BCAS3: variants seen among roughly 807,000 people sequenced by gnomAD.
The protein encoded by BCAS3 is BCAS4/BCAS3 fusion.
In BCAS3, 53 loss-of-function variants were observed where a neutral mutation model predicts 116.1. That is an observed-to-expected ratio of 0.46 (90% CI 0.37 to 0.57). BCAS3 has a LOEUF of 0.57. Among genes scored for constraint, BCAS3 ranks in the 20% least tolerant of loss-of-function variants. The pLI is 0.00. For synonymous variants in BCAS3, 391 were observed against 408.2 expected, an observed-to-expected ratio of 0.96 and a Z score of 0.51; for missense variants, 917 against 1,165.4, an observed-to-expected ratio of 0.79 and a Z score of 3.10.
chr17:61,061,407 G>A (rs2070020229), intron 19 of BCAS3, among the ~76,000 whole-genome samples: 1 of 151,994 alleles, frequency 6.6e-6, no homozygotes, highest in African/African-American at 2.4e-5. Context: ...CTGCTTTTTT[G>A]TTGTTGTTTG....
In BCAS3 at chr17:61,211,842, A is replaced by G. The variant is rs998880458; in HGVS notation, c.2425+127278A>G. On this transcript the variant is annotated intron_variant, in intron 22 of 23. Transcript: ENST00000407086. The surrounding 1 kb of genome is among the most constrained non-coding windows in gnomAD (Gnocchi z 4.4). ...TATTTCAGGCATAGACTTGGAGAGCAAGCTGCCCACCAGGGCAGGGCCTTA... is the reference window on the plus strand; with the variant it reads ...TATTTCAGGCATAGACTTGGAGAGCGAGCTGCCCACCAGGGCAGGGCCTTA... Among the ~76,000 whole-genome samples the G allele has an allele frequency of 2.0e-5, 3 of 152,226 alleles. No homozygotes were observed. Among genetic ancestry groups the G allele is most frequent in the African/African-American group, 7.2e-5 (3 of 41,464 alleles).
chr17:60,871,463 A>G (rs1378682311), intron 8 of BCAS3, among the ~76,000 whole-genome samples: 1 of 151,866 alleles, frequency 6.6e-6, no homozygotes, highest in Non-Finnish European at 1.5e-5. Flanking sequence ...CAATCTCTCT[A>G]TTTTCTTGAT....
At chr17:60,732,460 C>G (rs1019656874) in intron 5 of BCAS3, among the ~76,000 whole-genome samples, 1 of 152,176 alleles carries the variant, frequency 6.6e-6, no homozygotes, top group African/African-American at 2.4e-5. Flanking sequence ...GTGATAAAAC[C>G]TGCTACATAG....
chr17:60,723,803 C>T (rs1163580939), intron 5 of BCAS3, among the ~76,000 whole-genome samples: 2 of 140,824 alleles, frequency 1.4e-5, no homozygotes, highest in Non-Finnish European at 3.0e-5. Context: ...ATTGCAACCT[C>T]TGCCTCCCAG....
In BCAS3 at chr17:61,337,795, A is replaced by G. The variant is rs986828490; in HGVS notation, c.2426-30532A>G. ...ACCTTTCAGCATTTCACAAGGTGTT[A>G]GAGACAGAGAAAGCCTCCTTGTTAT... On this transcript the variant is annotated intron_variant, in intron 22 of 23. Coordinates refer to ENST00000407086, the MANE Select transcript of BCAS3 (RefSeq NM_017679.5). This position sits in a 1 kb window ranked among gnomAD's most constrained non-coding sequence, Gnocchi z 4.8. Among the ~76,000 whole-genome samples, 1 of 152,138 alleles carries G rather than the reference A, an allele frequency of 6.6e-6. No individual in the cohort carries two copies. Among genetic ancestry groups the G allele is most frequent in the African/African-American group, 2.4e-5 (1 of 41,412 alleles).
chr17:60,811,253 G>T, intron 7 of BCAS3: 1 of 899,840 alleles, frequency 1.1e-6, no homozygotes, highest in East Asian at 2.8e-5. Context: ...CCAGGCCCAG[G>T]AGTAGGAGGC....
intron 7 of BCAS3, among the ~76,000 whole-genome samples, chr17:60,814,306 T>TGTGTGTGCGCATGCGC (rs368289350): frequency 6.7e-6 from 1 of 148,198 alleles, no homozygotes; most frequent in African/African-American, 2.5e-5. Context: ...TGTGTGTGTG[T>TGTGTGTGCGCATGCGC]GCGCGCGTGC....
chr17:60,729,332 TA>T (rs962424371), intron 5 of BCAS3, among the ~76,000 whole-genome samples: 6 of 151,402 alleles, frequency 4.0e-5, no homozygotes, highest in Non-Finnish European at 5.9e-5. Flanking sequence ...TTTTTTTTTT[TA>T]AGATACCTAG....
Position 61,259,359 on chromosome 17 carries a change from G to T in BCAS3, c.2426-108968G>T, listed in dbSNP as rs144002049. On this transcript the variant is annotated intron_variant, in intron 22 of 23. Coordinates refer to ENST00000407086, the MANE Select transcript of BCAS3 (RefSeq NM_017679.5). The surrounding 1 kb of genome is among the most constrained non-coding windows in gnomAD (Gnocchi z 4.7). ...GATAGTGACCCAGGGTTATGGTCAG[G>T]GTTCCAGTATGGTTTGTGCTTTTGT... 1.3e-5 allele frequency among the ~76,000 whole-genome samples: 2 copies of T among 152,248 alleles called. No individual in the cohort carries two copies. Among genetic ancestry groups the T allele is most frequent in the East Asian group, 3.9e-4 (2 of 5,176 alleles).
At chr17:61,301,327 A>C (rs1454046111) in intron 22 of BCAS3, among the ~76,000 whole-genome samples, 1 of 152,168 alleles carries the variant, frequency 6.6e-6, no homozygotes. Flanking sequence ...CAACAGTAGT[A>C]ATGTGCAATG....
chr17:61,209,394 A>G (rs571993477), intron 22 of BCAS3, among the ~76,000 whole-genome samples: 5 of 152,156 alleles, frequency 3.3e-5, no homozygotes, highest in Admixed American at 3.3e-4. Flanking sequence ...GTATTTGACT[A>G]CTCTACTGTG....
At chr17:61,115,270 C>T (rs2075357232) in intron 22 of BCAS3, among the ~76,000 whole-genome samples, 1 of 152,158 alleles carries the variant, frequency 6.6e-6, no homozygotes, top group South Asian at 2.1e-4. Context: ...AGCTTCTGCA[C>T]AGCAAAAGAA....
chr17:61,186,008 G>A lies in BCAS3; in HGVS notation c.2425+101444G>A, dbSNP rs8077544. On this transcript the variant is annotated intron_variant, in intron 22 of 23. Transcript: ENST00000407086. The surrounding 1 kb of genome is among the most constrained non-coding windows in gnomAD (Gnocchi z 4.9). ...GTATACACAGAATTTAGTTTCATCC[G>A]TACATTTACTAAATAGTTCCTTAGG... Among the ~76,000 whole-genome samples, 94,878 of 152,068 alleles carry A rather than the reference G, an allele frequency of 0.62. 34,162 individuals carry two copies. Among genetic ancestry groups the A allele is most frequent in the South Asian group, 0.86 (4,167 of 4,822 alleles).
intron 22 of BCAS3, among the ~76,000 whole-genome samples, chr17:61,287,257 ACT>A (rs2051909237): frequency 6.6e-6 from 1 of 151,278 alleles, no homozygotes; most frequent in Non-Finnish European, 1.5e-5. Context: ...AAAAAAAAAA[ACT>A]CTATGGAGTT....
rs963179334 is a variant in BCAS3 at position 61,363,289 on chromosome 17, A to G, written c.2426-5038A>G. ...TCATCAACTTCACCTGGAAAGATAGAGCACCTTTTATGCCGTTAGAGTTTG... is the reference window on the plus strand; with the variant it reads ...TCATCAACTTCACCTGGAAAGATAGGGCACCTTTTATGCCGTTAGAGTTTG... On this transcript the variant is annotated intron_variant, in intron 22 of 23. Coordinates refer to ENST00000407086, the MANE Select transcript of BCAS3 (RefSeq NM_017679.5). The surrounding 1 kb of genome is among the most constrained non-coding windows in gnomAD (Gnocchi z 4.9). Among the ~76,000 whole-genome samples the G allele has an allele frequency of 6.6e-6, 1 of 152,196 alleles. No homozygotes were observed. Among genetic ancestry groups the G allele is most frequent in the Non-Finnish European group, 1.5e-5 (1 of 68,032 alleles).
intron 19 of BCAS3, among the ~76,000 whole-genome samples, chr17:61,049,211 A>G (rs2068617458): frequency 6.6e-6 from 1 of 151,792 alleles, no homozygotes; most frequent in East Asian, 1.9e-4. Context: ...TGAGGTGGGA[A>G]CATTGCTTGA....
rs200885894 is a variant in BCAS3, at chr17:61,289,729, T to TA, written c.2426-78588dup. 8.8e-4 allele frequency among the ~76,000 whole-genome samples: 130 copies of TA among 148,430 alleles called. 1 individual carries two copies. Among genetic ancestry groups the TA allele is most frequent in the African/African-American group, 1.8e-3 (74 of 40,558 alleles). On this transcript the variant is annotated intron_variant, in intron 22 of 23. Transcript: ENST00000407086. Reference sequence around the variant, plus strand: ...TTTCTTTATTAAATCCACTTTGAAATAAAAAAAAAATGATGATCTTTCCAG... The same window carrying TA: ...TTTCTTTATTAAATCCACTTTGAAATAAAAAAAAAAATGATGATCTTTCCAG...
intron 19 of BCAS3, among the ~76,000 whole-genome samples, chr17:61,074,584 T>C (rs2071770259): frequency 6.6e-6 from 1 of 152,214 alleles, no homozygotes; most frequent in African/African-American, 2.4e-5. Flanking sequence ...ATGAAGCTAC[T>C]AAATAAACTC....
At chr17:61,242,676 C>T (rs1014815541) in intron 22 of BCAS3, among the ~76,000 whole-genome samples, 1 of 152,110 alleles carries the variant, frequency 6.6e-6, no homozygotes, top group African/African-American at 2.4e-5. Flanking sequence ...TGTCCAGAGC[C>T]TATCTTCTAC....
Sources: allele counts gnomAD v4.1 joint callset (sites outside exome capture counted in the v4.1 genomes callset), GRCh38; gene constraint gnomAD v4.1.1; non-coding constraint Gnocchi (gnomAD v3.1); transcripts MANE v1.5; gene names NCBI Gene and HGNC (gene_info 2026-07-23, HGNC 2026-07-21).